Variants in CFLAR observed in about 807,000 individuals in gnomAD.
The protein encoded by CFLAR is CASP8 and FADD-like apoptosis regulator.
CFLAR carries 14 observed loss-of-function variants against 51.1 expected under a neutral mutation model. The ratio of observed to expected loss-of-function variants is 0.27; its 90% CI spans 0.18 to 0.43. CFLAR has a LOEUF of 0.43. CFLAR is among the 20% of genes least tolerant of loss of function. The pLI, the probability that CFLAR is intolerant of heterozygous loss-of-function variation, is 1.00. For synonymous variants in CFLAR, 210 were observed against 211.6 expected, an observed-to-expected ratio of 0.99 and a Z score of 0.06; for missense variants, 390 against 566.5, an observed-to-expected ratio of 0.69 and a Z score of 3.16.
rs11903749 is a variant in CFLAR, at chr2:201,173,178, T to C, written c.*9205T>C. 0.053 allele frequency: 8,050 copies of C among 151,380 alleles called. 721 individuals are homozygous for C. Among genetic ancestry groups the C allele is most frequent in the African/African-American group, 0.18 (7,602 of 41,170 alleles). 9.4% of individuals were successfully genotyped at this position (151,380 alleles called of 1,614,324 possible). ...TCCCTAGTAGTTGGGAGTAGCTGGG[T>C]TTACAGGAGCTCGCCACCATGCCCA... is the stretch of plus-strand genomic sequence containing the variant. On this transcript the variant is annotated 3_prime_UTR_variant, in exon 10 of 10. Transcript: ENST00000309955.
At position 201,161,424 on chromosome 2, in the gene CFLAR, T is replaced by A. The variant is rs569778073; in HGVS notation, c.1304+482T>A. Among the ~76,000 whole-genome samples the A allele has an allele frequency of 7.0e-4, 103 of 147,476 alleles. 1 individual carries two copies. Among genetic ancestry groups the A allele is most frequent in the South Asian group, 5.3e-3 (25 of 4,744 alleles). On this transcript the variant is annotated intron_variant, in intron 9 of 9. Coordinates refer to ENST00000309955, the MANE Select transcript of CFLAR (RefSeq NM_003879.7). ...CAAATTTATTTATTTTTATTTATTTTTTTTTTTGAGATGGAGTCTTGCTCT... is the reference window on the plus strand; with the variant it reads ...CAAATTTATTTATTTTTATTTATTTATTTTTTTGAGATGGAGTCTTGCTCT...
chr2:201,137,647 C>T (rs1224547986), intron 4 of CFLAR: 9 of 758,722 alleles, frequency 1.2e-5, no homozygotes, highest in East Asian at 7.3e-5. Context: ...CTGTGGGCCC[C>T]GATATCCTGG....
intron 1 of CFLAR, 63 bp from the exon 2 acceptor site, chr2:201,129,666 C>T (rs773720084): frequency 7.2e-5 from 40 of 555,722 alleles, no homozygotes; most frequent in Admixed American, 1.2e-4. Context: ...AGAGCCCATA[C>T]TTTCAATCTT....
intron 1 of CFLAR, among the ~76,000 whole-genome samples, chr2:201,127,574 A>G (rs2048827550): frequency 6.6e-6 from 1 of 152,148 alleles, no homozygotes; most frequent in Admixed American, 6.5e-5. Flanking sequence ...AACCCCAACA[A>G]AGTGGTGATT....
chr2:201,169,065 C>G lies in CFLAR; in HGVS notation c.*5092C>G, dbSNP rs1342561824. ...GTAATTTATAGGTTCATTGCTATTC[C>G]CATTAAACTACTATTGACATTCTTC... is the stretch of plus-strand genomic sequence containing the variant. On this transcript the variant is annotated 3_prime_UTR_variant, in exon 10 of 10. Transcript: ENST00000309955. 3.3e-5 allele frequency: 5 copies of G among 152,024 alleles called. No homozygotes were observed. Among genetic ancestry groups the G allele is most frequent in the African/African-American group, 7.3e-5 (3 of 41,378 alleles). The allele number at this position is 152,024 out of a possible 1,614,324, so 9.4% of individuals were successfully genotyped here.
chr2:201,153,172 A>G (rs1040042760), intron 8 of CFLAR: 3 of 152,172 alleles, frequency 2.0e-5, no homozygotes, highest in African/African-American at 7.2e-5. Flanking sequence ...CTGGGAACAA[A>G]ATCAGTAATT....
intron 2 of CFLAR, 36 bp downstream of exon 2, chr2:201,130,182 G>C: frequency 1.5e-6 from 2 of 1,341,124 alleles, no homozygotes; most frequent in East Asian, 2.5e-5. Flanking sequence ...TGGGTGGGTG[G>C]GAGGGAGTGA....
At chr2:201,134,346 C>G (rs1274541867) in intron 3 of CFLAR, among the ~76,000 whole-genome samples, 1 of 149,658 alleles carries the variant, frequency 6.7e-6, no homozygotes, top group Non-Finnish European at 1.5e-5. Context: ...TGGCCTAGCA[C>G]AATGGCTCAT....
chr2:201,156,615 T>C (rs1378146571), intron 8 of CFLAR, among the ~76,000 whole-genome samples: 1 of 152,222 alleles, frequency 6.6e-6, no homozygotes, highest in African/African-American at 2.4e-5. Flanking sequence ...TTTGGTTTTT[T>C]TGGTTTATCT....
chr2:201,138,058 C>T lies in CFLAR; in HGVS notation c.523+1951C>T. ...TGGGGCTGACTGCAGGCTATCACTT[C>T]CTGGTTGATGTAGATGGAGCCGCGC... On this transcript the variant is annotated intron_variant, in intron 4 of 9. Transcript: ENST00000309955. The surrounding 1 kb of genome is among the most constrained non-coding windows in gnomAD (Gnocchi z 4.0). 1.4e-6 allele frequency: 1 copy of T among 725,576 alleles called. No homozygotes were observed. The highest frequency in any genetic ancestry group is 2.6e-6 in the Non-Finnish European group (1 of 390,974). 44.9% of individuals were successfully genotyped at this position (725,576 alleles called of 1,614,324 possible).
At position 201,173,636 on chromosome 2, in the gene CFLAR, C is replaced by T. The variant is rs1359935790; in HGVS notation, c.*9663C>T. 1 of 146,548 alleles carries T rather than the reference C, an allele frequency of 6.8e-6. No individual in the cohort carries two copies. The highest frequency in any genetic ancestry group is 6.7e-5 in the Admixed American group (1 of 15,008). The allele number at this position is 146,548 out of a possible 1,614,324, so 9.1% of individuals were successfully genotyped here. On this transcript the variant is annotated 3_prime_UTR_variant, in exon 10 of 10. Transcript: ENST00000309955. ...GCATTACAGACATTAGCTACTGTGC[C>T]TGGCCTCAAGTCCTTTCTCATTTTA...
At chr2:201,130,353 CTTTTTTTTTTT>C (rs771361555) in intron 2 of CFLAR, among the ~76,000 whole-genome samples, 6 of 92,280 alleles carry the variant, frequency 6.5e-5, no homozygotes, top group Admixed American at 1.1e-4. Context: ...TTCTTTCTTT[CTTTTTTTTTTT>C]TTTTTTTTTT....
chr2:201,157,111 G>A (rs555659481), intron 8 of CFLAR, among the ~76,000 whole-genome samples: 5 of 152,272 alleles, frequency 3.3e-5, no homozygotes, highest in African/African-American at 9.6e-5. Context: ...AATAAACACA[G>A]TTTGCAAAGC....
Position 201,169,106 on chromosome 2 carries a change from A to C in CFLAR, c.*5133A>C, listed in dbSNP as rs1414457104. 2.0e-5 allele frequency: 3 copies of C among 152,198 alleles called. No individual in the cohort carries two copies. Among genetic ancestry groups the C allele is most frequent in the Non-Finnish European group, 4.4e-5 (3 of 68,044 alleles). The allele number at this position is 152,198 out of a possible 1,614,324, so 9.4% of individuals were successfully genotyped here. On this transcript the variant is annotated 3_prime_UTR_variant, in exon 10 of 10. Transcript: ENST00000309955. ...GACATTCTTCACAGAATTAGAAAAAAACTACTTTAAAATTCAAATGGAACC... is the reference window on the plus strand; with the variant it reads ...GACATTCTTCACAGAATTAGAAAAACACTACTTTAAAATTCAAATGGAACC...
Position 201,169,080 on chromosome 2 carries a change from T to C in CFLAR, c.*5107T>C, listed in dbSNP as rs553282633. The C allele has an allele frequency of 6.6e-6, 1 of 152,144 alleles. No homozygotes were observed. Among genetic ancestry groups the C allele is most frequent in the African/African-American group, 2.4e-5 (1 of 41,422 alleles). 9.4% of individuals were successfully genotyped at this position (152,144 alleles called of 1,614,324 possible). ...ATTGCTATTCCCATTAAACTACTAT[T>C]GACATTCTTCACAGAATTAGAAAAA... On this transcript the variant is annotated 3_prime_UTR_variant, in exon 10 of 10. Coordinates refer to ENST00000309955, the MANE Select transcript of CFLAR (RefSeq NM_003879.7).
At chr2:201,121,733 G>A (rs2048205739) in intron 1 of CFLAR, among the ~76,000 whole-genome samples, 1 of 152,198 alleles carries the variant, frequency 6.6e-6, no homozygotes, top group South Asian at 2.1e-4. Flanking sequence ...TGTGTAAACT[G>A]AGCAAATACA....
intron 8 of CFLAR, among the ~76,000 whole-genome samples, chr2:201,153,969 A>G (rs1320896088): frequency 3.5e-5 from 5 of 143,696 alleles, no homozygotes; most frequent in Admixed American, 7.1e-5. Context: ...CAGTGGTGCA[A>G]TCTTGGCTCA....
At position 201,124,931 on chromosome 2, in the gene CFLAR, A is replaced by G. The variant is rs527877441; in HGVS notation, c.-137-4798A>G. Among the ~76,000 whole-genome samples, 7 of 152,278 alleles carry G rather than the reference A, an allele frequency of 4.6e-5. No homozygotes were observed. The East Asian group carries it at 1.2e-3, about 25-fold the overall frequency. Reference sequence around the variant, plus strand: ...GCAGTCAGATGAAAGAGGACTTCCAAGTTTTTGGATGTGGCAACCAGGAGG... The same window carrying G: ...GCAGTCAGATGAAAGAGGACTTCCAGGTTTTTGGATGTGGCAACCAGGAGG... On this transcript the variant is annotated intron_variant, in intron 1 of 9. Transcript: ENST00000309955. The surrounding 1 kb of genome is among the most constrained non-coding windows in gnomAD (Gnocchi z 4.7).
At position 201,138,855 on chromosome 2, in the gene CFLAR, G is replaced by A; in HGVS notation, c.524-1502G>A. The A allele has an allele frequency of 1.4e-6, 1 of 726,000 alleles. No individual in the cohort carries two copies. Among genetic ancestry groups the A allele is most frequent in the East Asian group, 2.7e-5 (1 of 36,582 alleles). The allele number at this position is 726,000 out of a possible 1,614,324, so 45.0% of individuals were successfully genotyped here. A position where few individuals can be genotyped will look rare whatever the true frequency, so the allele number is the denominator to read the frequency against. On this transcript the variant is annotated intron_variant, in intron 4 of 9. Coordinates refer to ENST00000309955, the MANE Select transcript of CFLAR (RefSeq NM_003879.7). The surrounding 1 kb of genome is among the most constrained non-coding windows in gnomAD (Gnocchi z 4.0). ...GGCCTCTGTCACAGTGTCCATGGGG[G>A]AGGAGATCAGCGGCGTCTTCAGAGT... is the stretch of plus-strand genomic sequence containing the variant.
Sources: gnomAD v4.1 joint callset for allele counts (sites outside exome capture counted in the v4.1 genomes callset) on GRCh38, gnomAD v4.1.1 for gene constraint, Gnocchi (gnomAD v3.1) non-coding constraint, MANE v1.5 for transcripts, NCBI Gene and HGNC (gene_info 2026-07-23, HGNC 2026-07-21) for gene names.